PARP8: variants seen among roughly 807,000 people sequenced by gnomAD.
PARP8 encodes the protein poly(ADP-ribose) polymerase family member 8.
Under a neutral mutation model 124.1 loss-of-function variants are expected in PARP8, and 51 were observed. That is an observed-to-expected ratio of 0.41 (90% CI 0.33 to 0.52). PARP8 has a LOEUF of 0.52. Among genes scored for constraint, PARP8 ranks in the 20% least tolerant of loss-of-function variants. PARP8 has a pLI of 0.21. For synonymous variants in PARP8, 391 were observed against 361.5 expected (o/e 1.08, Z -0.93); for missense variants, 860 against 1,018.9 (o/e 0.84, Z 2.12).
At chr5:50,677,356 G>A (rs971902407) in intron 2 of PARP8, among the ~76,000 whole-genome samples, 14 of 151,256 alleles carry the variant, frequency 9.3e-5, no homozygotes, top group African/African-American at 3.2e-4. Context: ...GCTGAAAAGC[G>A]GTCATTACTT....
chr5:50,841,012 A>C (rs147441038), intron 25 of PARP8, among the ~76,000 whole-genome samples: 10 of 152,034 alleles, frequency 6.6e-5, no homozygotes, highest in South Asian at 2.1e-4. Flanking sequence ...AGTGGATTAC[A>C]TAAGGAGCCA....
rs371433285 is a variant in PARP8, at chr5:50,835,769, GT to G, written c.2462+763del. On this transcript the variant is annotated intron_variant, in intron 25 of 25. Transcript: ENST00000281631. ...GCAATGCAGTACATGTCAATGTGGG[GT>G]TTTTTTTTGGCACAGCTGTATCATA... Among the ~76,000 whole-genome samples the G allele has an allele frequency of 3.5e-3, 529 of 150,788 alleles. 1 individual carries two copies. Among genetic ancestry groups the G allele is most frequent in the Non-Finnish European group, 4.9e-3 (332 of 67,580 alleles).
At chr5:50,692,791 G>T (rs1752637427) in intron 2 of PARP8, among the ~76,000 whole-genome samples, 1 of 152,026 alleles carries the variant, frequency 6.6e-6, no homozygotes, top group Admixed American at 6.6e-5. Flanking sequence ...CTGTCTTTGA[G>T]GCACTCTGTA....
Position 50,768,489 on chromosome 5 carries a change from C to T in PARP8, c.518+5247C>T, listed in dbSNP as rs115499700. On this transcript the variant is annotated intron_variant, in intron 7 of 25. Coordinates refer to ENST00000281631, the MANE Select transcript of PARP8 (RefSeq NM_024615.4). ...AGAACATTTGTGGAGGCATTCTTTT[C>T]AGACCAGAATGAAGCAATTTCGTTA... 4.8e-3 allele frequency among the ~76,000 whole-genome samples: 733 copies of T among 152,250 alleles called. 2 individuals are homozygous for T. Among genetic ancestry groups the T allele is most frequent in the Non-Finnish European group, 7.7e-3 (525 of 67,984 alleles).
chr5:50,822,213 C>A (rs1233770139), intron 16 of PARP8, 122 bp from the exon 17 acceptor site: 1 of 731,158 alleles, frequency 1.4e-6, no homozygotes. Context: ...ACAGTCATTT[C>A]TTTCAAATTG....
At chr5:50,815,075 A>T (rs1034757124) in intron 14 of PARP8, among the ~76,000 whole-genome samples, 1 of 151,930 alleles carries the variant, frequency 6.6e-6, no homozygotes, top group African/African-American at 2.4e-5. Context: ...CATTATTGTT[A>T]TATCACCAGC....
chr5:50,823,550 A>C (rs1196675451), intron 17 of PARP8, among the ~76,000 whole-genome samples: 1 of 152,236 alleles, frequency 6.6e-6, no homozygotes, highest in Non-Finnish European at 1.5e-5. Flanking sequence ...TTGTATAGGG[A>C]AAGAAAACAA....
intron 18 of PARP8, among the ~76,000 whole-genome samples, chr5:50,825,180 G>A (rs908725265): frequency 6.6e-6 from 1 of 152,090 alleles, no homozygotes; most frequent in African/African-American, 2.4e-5. Flanking sequence ...ATCACAAGGG[G>A]AAGAGAATGC....
At position 50,807,430 on chromosome 5, in the gene PARP8, C is replaced by T. The variant is rs114853182; in HGVS notation, c.1576-8002C>T. 7.7e-3 allele frequency among the ~76,000 whole-genome samples: 1,167 copies of T among 152,180 alleles called. 3 individuals are homozygous for T. Among genetic ancestry groups the T allele is most frequent in the Non-Finnish European group, 9.8e-3 (666 of 67,966 alleles). ...AATTTAAAAGTGTCATTTATACTCT[C>T]ATCACAAAACCAAACCAAAACCAAA... On this transcript the variant is annotated intron_variant, in intron 14 of 25. Coordinates refer to ENST00000281631, the MANE Select transcript of PARP8 (RefSeq NM_024615.4).
chr5:50,794,579 T>C (rs1742314346), intron 11 of PARP8, among the ~76,000 whole-genome samples: 1 of 152,176 alleles, frequency 6.6e-6, no homozygotes, highest in Admixed American at 6.5e-5. Flanking sequence ...CACCTAGAGT[T>C]TTTCCTACCA....
chr5:50,745,806 T>G (rs144044028), intron 2 of PARP8, among the ~76,000 whole-genome samples: 119 of 152,316 alleles, frequency 7.8e-4, no homozygotes, highest in Middle Eastern at 3.4e-3. Context: ...GATCATCAGT[T>G]TTATTTCTAC....
At position 50,761,887 on chromosome 5, in the gene PARP8, T is replaced by G. The variant is rs766821311; in HGVS notation, c.412T>G (p.Tyr138Asp). ...TGACAATGATTCCGAAGAATTTTAT[T>G]ACGGAGGGCAGGTAAGGAAACCTGG... is the stretch of plus-strand genomic sequence containing the variant. ...EGDNDSEEFYYGGQVNYDGEL... is the reference protein window; with the variant it reads ...EGDNDSEEFYDGGQVNYDGEL... The change falls in exon 6 of 26, where the codon TAC (tyrosine) becomes GAC (aspartate). Residue 138 changes from tyrosine to aspartate, a missense_variant. Around this residue, in one of 2 missense-constraint regions of PARP8, gnomAD observed 517 missense variants for 544.2 expected, o/e 0.95. Transcript: ENST00000281631. 10 of 1,600,446 alleles carry G rather than the reference T, an allele frequency of 6.2e-6. No individual in the cohort carries two copies. The highest frequency in any genetic ancestry group is 8.5e-6 in the Non-Finnish European group (10 of 1,170,022).
chr5:50,678,308 G>C (rs1750867913), intron 2 of PARP8, among the ~76,000 whole-genome samples: 1 of 152,010 alleles, frequency 6.6e-6, no homozygotes, highest in Non-Finnish European at 1.5e-5. Flanking sequence ...TTTGAATATT[G>C]AGCTTAAACA....
chr5:50,708,169 A>G (rs1754358200), intron 2 of PARP8, among the ~76,000 whole-genome samples: 2 of 152,102 alleles, frequency 1.3e-5, no homozygotes, highest in African/African-American at 4.8e-5. Flanking sequence ...AATTTTCCTA[A>G]ATAGTCTAAC....
chr5:50,805,568 C>T (rs1743737748), intron 14 of PARP8, among the ~76,000 whole-genome samples: 1 of 151,996 alleles, frequency 6.6e-6, no homozygotes, highest in Admixed American at 6.6e-5. Flanking sequence ...TAGAAGGCAC[C>T]ATGCTAGATT....
intron 12 of PARP8, among the ~76,000 whole-genome samples, 181 bp downstream of exon 12, chr5:50,795,598 G>A (rs1331576342): frequency 6.6e-6 from 1 of 151,972 alleles, no homozygotes; most frequent in African/African-American, 2.4e-5. Context: ...TGAAATGTAA[G>A]CTTTGGTTCT....
chr5:50,715,807 T>C (rs1755247026), intron 2 of PARP8, among the ~76,000 whole-genome samples: 1 of 152,104 alleles, frequency 6.6e-6, no homozygotes, highest in Non-Finnish European at 1.5e-5. Context: ...CAAACAGTTA[T>C]GTCCAGAGCT....
At chr5:50,688,386 C>A (rs1369683804) in intron 2 of PARP8, among the ~76,000 whole-genome samples, 1 of 152,204 alleles carries the variant, frequency 6.6e-6, no homozygotes, top group Non-Finnish European at 1.5e-5. Flanking sequence ...CTATCATGAA[C>A]CTCACAGATC....
At chr5:50,686,282 A>T (rs1247434181) in intron 2 of PARP8, among the ~76,000 whole-genome samples, 1 of 152,248 alleles carries the variant, frequency 6.6e-6, no homozygotes, top group Non-Finnish European at 1.5e-5. Flanking sequence ...GGACAGTTAA[A>T]TCTTAAAGCT....
Sources: allele counts gnomAD v4.1 joint callset (sites outside exome capture counted in the v4.1 genomes callset), GRCh38; gene constraint gnomAD v4.1.1; regional missense constraint gnomAD v4.1.1; transcripts MANE v1.5; gene names NCBI Gene and HGNC (gene_info 2026-07-23, HGNC 2026-07-21).